SLC25A42: variants seen among roughly 807,000 people sequenced by gnomAD.
The protein encoded by SLC25A42 is solute carrier family 25 member 42.
Under a neutral mutation model 34.7 loss-of-function variants are expected in SLC25A42, and 19 were observed. The ratio of observed to expected loss-of-function variants is 0.55; its 90% CI spans 0.38 to 0.80. The LOEUF is 0.80. Among genes scored for constraint, SLC25A42 ranks in the 30% least tolerant of loss-of-function variants. The pLI, the probability that SLC25A42 is intolerant of heterozygous loss-of-function variation, is 0.00. For synonymous variants in SLC25A42, 205 were observed against 191.2 expected (o/e 1.07, Z -0.59); for missense variants, 364 against 441.3 (o/e 0.82, Z 1.57).
At chr19:19,106,189 G>C in intron 5 of SLC25A42, 80 bp from the exon 6 acceptor site, 3 of 1,224,002 alleles carry the variant, frequency 2.5e-6, no homozygotes, top group Non-Finnish European at 3.5e-6. Flanking sequence ...CAGCAGAGAC[G>C]TGCGGGTGCT....
intron 1 of SLC25A42, 186 bp from the exon 2 acceptor site, chr19:19,095,905 C>A: frequency 1.5e-6 from 1 of 661,716 alleles, no homozygotes; most frequent in Admixed American, 2.1e-5. Flanking sequence ...GGATTACATT[C>A]CAGTACCAAC....
In SLC25A42 at chr19:19,096,146, G is replaced by A. The variant is rs1449812385; in HGVS notation, c.22G>A (p.Gly8Ser). ...TGGTATGGGTAATGGTGTGAAGGAA[G>A]GCCCGGTGCGATTGCATGAGGATGC... MGNGVKEGPVRLHEDAEA... is the reference protein window; with the variant it reads MGNGVKESPVRLHEDAEA... The change falls in exon 2 of 8, where the codon GGC (glycine) becomes AGC (serine). Residue 8 changes from glycine to serine, a missense_variant. By Grantham distance (56) the Gly-to-Ser change is moderately conservative. Transcript: ENST00000318596. The A allele has an allele frequency of 8.7e-6, 14 of 1,614,068 alleles. No homozygotes were observed. Among genetic ancestry groups the A allele is most frequent in the Non-Finnish European group, 1.1e-5 (13 of 1,180,006 alleles).
rs1332484452 is a variant in SLC25A42, at chr19:19,110,753, G to A, written c.834G>A (p.Glu278=). 6.2e-6 allele frequency: 10 copies of A among 1,612,856 alleles called. No homozygotes were observed. Among genetic ancestry groups the A allele is most frequent in the Non-Finnish European group, 7.6e-6 (9 of 1,179,724 alleles). ...CGCTGCGCACCATCGTGCGGGAGGA[G>A]GGCGCCGTGCGCGGCCTCTACAAAG... ...ARTLRTIVRE[E]GAVRGLYKGL... Residue 278 remains glutamate (E), a synonymous_variant, in exon 8 of 8, where the codon GAG becomes GAA. Coordinates refer to ENST00000318596, the MANE Select transcript of SLC25A42 (RefSeq NM_178526.5).
At chr19:19,077,421 G>A (rs1477609913) in intron 1 of SLC25A42, among the ~76,000 whole-genome samples, 1 of 152,170 alleles carries the variant, frequency 6.6e-6, no homozygotes, top group Non-Finnish European at 1.5e-5. Context: ...CTATGAATGT[G>A]ATGACTCTAG....
chr19:19,078,382 T>C (rs1304811264), intron 1 of SLC25A42, among the ~76,000 whole-genome samples: 1 of 152,158 alleles, frequency 6.6e-6, no homozygotes, highest in Non-Finnish European at 1.5e-5. Context: ...CACTCCAGCC[T>C]TGGGTTCTTC....
intron 3 of SLC25A42, 74 bp downstream of exon 3, chr19:19,101,960 C>T (rs747965341): frequency 2.2e-4 from 200 of 918,932 alleles, no homozygotes; most frequent in African/African-American, 4.6e-4. Flanking sequence ...CCCCAAACCA[C>T]GCTTCAAATT....
chr19:19,065,786 T>TTA (rs1434582082), intron 1 of SLC25A42, among the ~76,000 whole-genome samples: 1 of 152,226 alleles, frequency 6.6e-6, no homozygotes, highest in Non-Finnish European at 1.5e-5. Flanking sequence ...TATACATATT[T>TTA]TATATATACA....
Position 19,066,240 on chromosome 19 carries a change from C to T in SLC25A42, c.-35+2125C>T, listed in dbSNP as rs937614431. ...GTCAGGTCTTCCCCAGCCTGTACCC[C>T]GTTCCTCCTCAGATGCACCTGCTGT... On this transcript the variant is annotated intron_variant, in intron 1 of 7. Transcript: ENST00000318596. 1.2e-4 allele frequency among the ~76,000 whole-genome samples: 19 copies of T among 152,244 alleles called. No homozygotes were observed. The East Asian group carries it at 1.9e-3, about 15-fold the overall frequency.
At chr19:19,105,777 C>G in intron 5 of SLC25A42, 50 bp downstream of exon 5, 1 of 1,453,830 alleles carries the variant, frequency 6.9e-7, no homozygotes, top group Non-Finnish European at 9.2e-7. Flanking sequence ...CACGCCCGCC[C>G]CTCTCTCTTT....
chr19:19,101,117 C>T (rs757431504), intron 2 of SLC25A42, among the ~76,000 whole-genome samples: 13 of 152,034 alleles, frequency 8.6e-5, no homozygotes, highest in South Asian at 2.1e-4. Flanking sequence ...CACTGCTGTG[C>T]GGCGTGACCT....
intron 1 of SLC25A42, among the ~76,000 whole-genome samples, chr19:19,090,473 ATATGTT>A (rs2059732408): frequency 6.6e-6 from 1 of 152,176 alleles, no homozygotes; most frequent in Admixed American, 6.6e-5. Flanking sequence ...GTAAACCTGC[ATATGTT>A]TATGTTAGGT....
intron 1 of SLC25A42, among the ~76,000 whole-genome samples, chr19:19,088,833 C>T (rs924305182): frequency 2.1e-5 from 3 of 144,454 alleles, no homozygotes; most frequent in Admixed American, 7.0e-5. Flanking sequence ...TTTGAGACAG[C>T]GTCTCTTTCT....
At chr19:19,084,214 C>G (rs940486428) in intron 1 of SLC25A42, among the ~76,000 whole-genome samples, 5 of 152,214 alleles carry the variant, frequency 3.3e-5, no homozygotes, top group Admixed American at 2.6e-4. Context: ...GTGTTGCACA[C>G]ACCATCTCCC....
At chr19:19,083,312 TC>T (rs2059690429) in intron 1 of SLC25A42, among the ~76,000 whole-genome samples, 1 of 152,152 alleles carries the variant, frequency 6.6e-6, no homozygotes, top group South Asian at 2.1e-4. Context: ...CAGGACAGTC[TC>T]CCCCATCTCA....
chr19:19,098,287 G>T (rs967539440), intron 2 of SLC25A42, among the ~76,000 whole-genome samples: 7 of 152,126 alleles, frequency 4.6e-5, no homozygotes, highest in Admixed American at 4.6e-4. Flanking sequence ...GTTTATGGAC[G>T]TGTGTTCCTG....
At chr19:19,092,485 AC>A (rs1311237706) in intron 1 of SLC25A42, among the ~76,000 whole-genome samples, 2 of 152,146 alleles carry the variant, frequency 1.3e-5, no homozygotes, top group African/African-American at 4.8e-5. Flanking sequence ...TACCATGGGC[AC>A]TGCAGGCAGC....
chr19:19,064,002 G>C lies in SLC25A42; in HGVS notation c.-148G>C, dbSNP rs1044280091. Reference sequence around the variant, plus strand: ...GCGCTCTGGGGGTGCGCGAGGCGGGGCCGTGGCGGCTGGAGGTAGCGGCGG... The same window carrying C: ...GCGCTCTGGGGGTGCGCGAGGCGGGCCCGTGGCGGCTGGAGGTAGCGGCGG... On this transcript the variant is annotated 5_prime_UTR_variant, in exon 1 of 8. Transcript: ENST00000318596. 2 of 152,970 alleles carry C rather than the reference G, an allele frequency of 1.3e-5. No individual in the cohort carries two copies. Among genetic ancestry groups the C allele is most frequent in the Non-Finnish European group, 2.9e-5 (2 of 68,364 alleles). The allele number at this position is 152,970 out of a possible 1,614,324, so 9.5% of individuals were successfully genotyped here.
At chr19:19,077,950 T>G (rs1423473837) in intron 1 of SLC25A42, among the ~76,000 whole-genome samples, 1 of 152,226 alleles carries the variant, frequency 6.6e-6, no homozygotes, top group Non-Finnish European at 1.5e-5. Context: ...CACTGGTGTG[T>G]CTGTGAGATC....
intron 1 of SLC25A42, among the ~76,000 whole-genome samples, chr19:19,091,773 A>G (rs2059739462): frequency 6.6e-6 from 1 of 152,164 alleles, no homozygotes; most frequent in African/African-American, 2.4e-5. Context: ...GCTATTCAGG[A>G]GGCTGAGGTG....
Sources: allele counts gnomAD v4.1 joint callset (sites outside exome capture counted in the v4.1 genomes callset), GRCh38; gene constraint gnomAD v4.1.1; transcripts MANE v1.5; gene names NCBI Gene and HGNC (gene_info 2026-07-23, HGNC 2026-07-21).